MON2: variants seen among roughly 807,000 people sequenced by gnomAD.
The protein encoded by MON2 is protein MON2 homolog.
Under a neutral mutation model 208.6 loss-of-function variants are expected in MON2, and 84 were observed. The observed-to-expected ratio is 0.40, with a 90% CI of 0.34 to 0.48. The LOEUF (loss-of-function observed/expected upper bound fraction) is 0.48. Ranked by LOEUF, MON2 falls within the 20% of genes least tolerant of loss-of-function variation. The probability of loss-of-function intolerance (pLI) is 0.59; values close to 1 mark genes in which losing one functional copy is unlikely to be tolerated. For missense variants in MON2, 1,611 were observed against 2,015.4 expected, an observed-to-expected ratio of 0.80 and a Z score of 3.84; for synonymous variants, 660 against 694.0, an observed-to-expected ratio of 0.95 and a Z score of 0.77.
At chr12:62,538,933 G>A (rs1046530500) in intron 19 of MON2, among the ~76,000 whole-genome samples, 2 of 151,916 alleles carry the variant, frequency 1.3e-5, no homozygotes, top group Non-Finnish European at 2.9e-5. Flanking sequence ...CTTTCTAAAG[G>A]TAATGATTCT....
At position 62,552,651 on chromosome 12, in the gene MON2, T is replaced by TA. The variant is rs753027170; in HGVS notation, c.2917-218dup. Among the ~76,000 whole-genome samples the TA allele has an allele frequency of 2.9e-3, 414 of 143,126 alleles. 3 individuals carry two copies. Among genetic ancestry groups the TA allele is most frequent in the African/African-American group, 9.2e-3 (361 of 39,314 alleles). 93.9% of individuals were successfully genotyped at this position (143,126 alleles called of 152,430 possible). A position where few individuals can be genotyped will look rare whatever the true frequency, so the allele number is the denominator to read the frequency against. Reference sequence around the variant, plus strand: ...CTTGACATTTTTTATAATAAAAAAGTAAAAAAAAAAAAGTTAGCTCAAGAT... The same window carrying TA: ...CTTGACATTTTTTATAATAAAAAAGTAAAAAAAAAAAAAGTTAGCTCAAGAT... On this transcript the variant is annotated intron_variant, in intron 23 of 34. Coordinates refer to ENST00000393630, the MANE Select transcript of MON2 (RefSeq NM_015026.3).
Position 62,524,651 on chromosome 12 carries a change from G to A in MON2, c.1109+12G>A. On this transcript the variant is annotated intron_variant, in intron 9 of 34. Transcript: ENST00000393630. Reference sequence around the variant, plus strand: ...CCTCAACTATTAAGGTAAAACCTCAGCAATAGTTTGTTAAATAGATAGGTT... The same window carrying A: ...CCTCAACTATTAAGGTAAAACCTCAACAATAGTTTGTTAAATAGATAGGTT... 6.2e-7 allele frequency: 1 copy of A among 1,609,450 alleles called. No individual in the cohort carries two copies. Among genetic ancestry groups the A allele is most frequent in the South Asian group, 1.1e-5 (1 of 90,314 alleles).
At chr12:62,525,842 A>C in intron 10 of MON2, 107 bp from the exon 11 acceptor site, 1 of 955,680 alleles carries the variant, frequency 1.0e-6, no homozygotes, top group Non-Finnish European at 1.6e-6. Flanking sequence ...ACCCATTCTG[A>C]TAGCACAGAA....
intron 11 of MON2, among the ~76,000 whole-genome samples, chr12:62,529,561 G>A (rs1280331922): frequency 6.6e-6 from 1 of 151,602 alleles, no homozygotes; most frequent in Non-Finnish European, 1.5e-5. Flanking sequence ...TTTTACTTTT[G>A]AGATAATTCA....
Position 62,534,518 on chromosome 12 carries a change from C to CAAAAAA in MON2, c.1634-307_1634-302dup, listed in dbSNP as rs869145698. 1.3e-4 allele frequency among the ~76,000 whole-genome samples: 9 copies of CAAAAAA among 67,446 alleles called. 1 individual carries two copies. The highest frequency in any genetic ancestry group is 5.6e-4 in the South Asian group (1 of 1,784). The allele number at this position is 67,446 out of a possible 152,430, so 44.2% of individuals were successfully genotyped here. ...TGGGCAACAGAGCAAGACTCCATCG[C>CAAAAAA]AAAAAAAAAAAAAAAAAAAAAAAAA... On this transcript the variant is annotated intron_variant, in intron 12 of 34. Transcript: ENST00000393630.
At chr12:62,504,216 C>T (rs10784304) in intron 7 of MON2, among the ~76,000 whole-genome samples, 98,315 of 148,024 alleles carry the variant, frequency 0.66, 32,901 homozygotes, top group African/African-American at 0.77. Context: ...GATTTGAAAC[C>T]GTTTTTACAG....
intron 20 of MON2, among the ~76,000 whole-genome samples, chr12:62,543,963 A>G (rs955519010): frequency 1.3e-5 from 2 of 152,276 alleles, no homozygotes; most frequent in South Asian, 2.1e-4. Flanking sequence ...AACACTAACT[A>G]TAGATAGTGC....
intron 32 of MON2, among the ~76,000 whole-genome samples, chr12:62,583,669 C>G (rs2075084326): frequency 6.6e-6 from 1 of 151,736 alleles, no homozygotes; most frequent in Non-Finnish European, 1.5e-5. Context: ...ACATTGGAGG[C>G]CAGGCACAGT....
At chr12:62,497,923 G>T (rs762381806) in intron 4 of MON2, among the ~76,000 whole-genome samples, 1 of 152,004 alleles carries the variant, frequency 6.6e-6, no homozygotes, top group African/African-American at 2.4e-5. Flanking sequence ...GCCAACTGGC[G>T]GTTTCTTAAA....
chr12:62,540,952 C>G (rs1428465406), intron 19 of MON2, among the ~76,000 whole-genome samples: 1 of 152,140 alleles, frequency 6.6e-6, no homozygotes, highest in Non-Finnish European at 1.5e-5. Context: ...ATCGACTGTT[C>G]TGAGTGAGTT....
intron 34 of MON2, among the ~76,000 whole-genome samples, chr12:62,590,579 G>A (rs2075367811): frequency 6.6e-6 from 1 of 152,144 alleles, no homozygotes; most frequent in Non-Finnish European, 1.5e-5. Context: ...TTATTAGTTT[G>A]TGGATCCCTC....
chr12:62,587,901 A>G (rs2136496347), intron 33 of MON2, 173 bp from the exon 34 acceptor site: 1 of 509,494 alleles, frequency 2.0e-6, no homozygotes, highest in Non-Finnish European at 3.5e-6. Flanking sequence ...TGAAGTACAT[A>G]TAAATAAAAT....
At position 62,467,000 on chromosome 12, in the gene MON2, C is replaced by G; in HGVS notation, c.-208C>G. Reference sequence around the variant, plus strand: ...GGAGCCTAGCGGGACGGTGCGACTGCGGGGGGCGCCTCCGAGAAAAGCCAG... The same window carrying G: ...GGAGCCTAGCGGGACGGTGCGACTGGGGGGGGCGCCTCCGAGAAAAGCCAG... On this transcript the variant is annotated 5_prime_UTR_variant, in exon 1 of 35. Transcript: ENST00000393630. 1.9e-6 allele frequency: 1 copy of G among 523,178 alleles called. No individual in the cohort carries two copies. Among genetic ancestry groups the G allele is most frequent in the Non-Finnish European group, 3.4e-6 (1 of 294,862 alleles). The allele number at this position is 523,178 out of a possible 1,614,324, so 32.4% of individuals were successfully genotyped here.
intron 30 of MON2, among the ~76,000 whole-genome samples, chr12:62,576,797 ACTC>A (rs1345387997): frequency 1.3e-5 from 2 of 151,458 alleles, no homozygotes; most frequent in East Asian, 3.9e-4. Flanking sequence ...TTTGTATGCT[ACTC>A]TCTTCCCTCA....
At chr12:62,555,134 C>T (rs1045543731) in intron 24 of MON2, among the ~76,000 whole-genome samples, 1 of 151,944 alleles carries the variant, frequency 6.6e-6, no homozygotes, top group Non-Finnish European at 1.5e-5. Flanking sequence ...CATAAATTCT[C>T]CATTGATGCC....
At chr12:62,516,297 AG>A (rs1205361607) in intron 8 of MON2, among the ~76,000 whole-genome samples, 7 of 152,124 alleles carry the variant, frequency 4.6e-5, no homozygotes. Context: ...GATGGGGAGC[AG>A]GGGGAAAGTA....
chr12:62,572,816 A>C (rs572261051), intron 30 of MON2, among the ~76,000 whole-genome samples: 1 of 152,344 alleles, frequency 6.6e-6, no homozygotes, highest in South Asian at 2.1e-4. Context: ...TGTACTGCTA[A>C]ATAACCATTT....
At chr12:62,568,082 G>A (rs1027397580) in intron 29 of MON2, among the ~76,000 whole-genome samples, 1 of 152,164 alleles carries the variant, frequency 6.6e-6, no homozygotes. Flanking sequence ...ACTGCTGAGG[G>A]GATTTGGGCA....
intron 1 of MON2, among the ~76,000 whole-genome samples, chr12:62,470,025 C>G (rs527910578): frequency 1.3e-5 from 2 of 151,912 alleles, no homozygotes; most frequent in African/African-American, 2.4e-5. Context: ...CCACCTCAAC[C>G]CCCTGAGTAG....
Sources: allele counts gnomAD v4.1 joint callset (sites outside exome capture counted in the v4.1 genomes callset), GRCh38; gene constraint gnomAD v4.1.1; transcripts MANE v1.5; gene names NCBI Gene and HGNC (gene_info 2026-07-23, HGNC 2026-07-21).